TMPRSS9: variants seen among roughly 807,000 people sequenced by gnomAD.
TMPRSS9 encodes the protein transmembrane serine protease 9, also known as transmembrane protease serine 9.
A neutral mutation model predicts 111.4 loss-of-function variants in TMPRSS9; 113 were observed. The observed-to-expected ratio is 1.01, with a 90% confidence interval of 0.87 to 1.19. TMPRSS9 has a LOEUF of 1.19. TMPRSS9 is among the 50% of genes most tolerant of loss of function. The pLI is 0.00. For missense variants in TMPRSS9, 1,803 were observed against 1,513.1 expected, an observed-to-expected ratio of 1.19 and a Z score of -3.18; for synonymous variants, 805 against 659.1, an observed-to-expected ratio of 1.22 and a Z score of -3.39.
chr19:2,402,965 AG>A, intron 5 of TMPRSS9, 116 bp from the exon 7 acceptor site: 1 of 740,218 alleles, frequency 1.4e-6, no homozygotes, highest in Non-Finnish European at 2.3e-6. Context: ...AGGAAAGAAA[AG>A]GAGAGAGAGA....
At chr19:2,372,224 A>G (rs1970297177) in intron 1 of TMPRSS9, among the ~76,000 whole-genome samples, 1 of 152,050 alleles carries the variant, frequency 6.6e-6, no homozygotes, top group African/African-American at 2.4e-5. Flanking sequence ...TTCTTCTCGA[A>G]GCTTTTTCCT....
intron 15 of TMPRSS9, 31 bp from the exon 17 acceptor site, chr19:2,424,971 G>C (rs780496349): frequency 6.9e-7 from 1 of 1,457,986 alleles, no homozygotes; most frequent in South Asian, 1.3e-5. Flanking sequence ...GTGGGGGCTC[G>C]GGCCGACGCC....
chr19:2,371,332 G>A (rs1408053143), intron 1 of TMPRSS9, among the ~76,000 whole-genome samples: 1 of 152,138 alleles, frequency 6.6e-6, no homozygotes, highest in Non-Finnish European at 1.5e-5. Context: ...GCTCCAGATG[G>A]TTCCTGACAG....
In TMPRSS9 at chr19:2,423,224, A is replaced by G. The variant is rs529995174; in HGVS notation, c.2549-865A>G. Among the ~76,000 whole-genome samples, 6 of 151,878 alleles carry G rather than the reference A, an allele frequency of 4.0e-5. No individual in the cohort carries two copies. The South Asian group carries it at 1.3e-3, about 32-fold the overall frequency. ...GTCTCAGCTGATTTTGACTTTTTCA[A>G]TAGCTATGGCGTGGGATCTCTTTGG... On this transcript the variant is annotated intron_variant, in intron 14 of 17. Coordinates refer to ENST00000648592, the Ensembl canonical transcript of TMPRSS9.
intron 14 of TMPRSS9, among the ~76,000 whole-genome samples, chr19:2,422,917 C>T (rs951642839): frequency 2.6e-5 from 4 of 151,770 alleles, no homozygotes; most frequent in African/African-American, 9.7e-5. Context: ...AAAAGCCAGG[C>T]GTGATGGTGC....
At chr19:2,398,730 C>A in intron 2 of TMPRSS9, 65 bp from the exon 4 acceptor site, 2 of 1,180,862 alleles carry the variant, frequency 1.7e-6, no homozygotes, top group Non-Finnish European at 2.3e-6. Context: ...ACCTGACAGG[C>A]CTCTGCAGTG....
At chr19:2,368,379 A>T (rs1055087835) in intron 1 of TMPRSS9, among the ~76,000 whole-genome samples, 1 of 150,192 alleles carries the variant, frequency 6.7e-6, no homozygotes, top group Non-Finnish European at 1.5e-5. Context: ...ATAGCTGAGG[A>T]TGTCAGGCAG....
chr19:2,408,701 G>C, intron 8 of TMPRSS9, 71 bp downstream of exon 9: 3 of 1,550,144 alleles, frequency 1.9e-6, no homozygotes, highest in Non-Finnish European at 2.6e-6. Flanking sequence ...AAAGGGCCAG[G>C]TGAGGTGGCT....
chr19:2,390,755 AG>A (rs1970572538), intron 1 of TMPRSS9, among the ~76,000 whole-genome samples: 1 of 151,918 alleles, frequency 6.6e-6, no homozygotes. Context: ...CAGGAGGCTG[AG>A]GCAGGAGAAT....
intron 15 of TMPRSS9, among the ~76,000 whole-genome samples, chr19:2,424,537 C>A (rs958192814): frequency 1.4e-5 from 2 of 138,926 alleles, no homozygotes; most frequent in Non-Finnish European, 3.2e-5. Flanking sequence ...AGCTGCGGCC[C>A]CCCCCCTCCA....
At chr19:2,403,508 AAGC>A (rs1970900267) in intron 6 of TMPRSS9, among the ~76,000 whole-genome samples, 1 of 152,102 alleles carries the variant, frequency 6.6e-6, no homozygotes, top group Non-Finnish European at 1.5e-5. Context: ...TCTGTCCTAT[AAGC>A]AGTGGGGCGT....
chr19:2,414,103 A>C, intron 10 of TMPRSS9, 85 bp downstream of exon 11: 1 of 1,373,630 alleles, frequency 7.3e-7, no homozygotes, highest in Non-Finnish European at 9.7e-7. Flanking sequence ...TATCTTCATA[A>C]TTTTGGATCT....
intron 2 of TMPRSS9, among the ~76,000 whole-genome samples, chr19:2,397,970 G>A (rs112458887): frequency 0.19 from 26,347 of 135,564 alleles, 3,004 homozygotes; most frequent in Admixed American, 0.34. Flanking sequence ...CGCCTGTGAC[G>A]CCTCCTGGGC....
chr19:2,364,856 G>A (rs567645605), intron 1 of TMPRSS9, among the ~76,000 whole-genome samples: 14 of 152,028 alleles, frequency 9.2e-5, no homozygotes, highest in East Asian at 3.9e-4. Flanking sequence ...GCCTGGTGGC[G>A]GGCGCCTGTA....
At chr19:2,377,703 C>T (rs1970351462) in intron 1 of TMPRSS9, among the ~76,000 whole-genome samples, 1 of 21,744 alleles carries the variant, frequency 4.6e-5, no homozygotes, top group South Asian at 2.1e-3. Flanking sequence ...TTCCTTCCTT[C>T]CTTCTCTCTC....
At chr19:2,407,614 T>TTTCTTTTC (rs1568182954) in intron 7 of TMPRSS9, among the ~76,000 whole-genome samples, 28 of 122,568 alleles carry the variant, frequency 2.3e-4, no homozygotes, top group South Asian at 5.5e-4. Context: ...TTTTCTTTTT[T>TTTCTTTTC]TTTTTTTTTT....
At position 2,416,832 on chromosome 19, in the gene TMPRSS9, GA is replaced by G. The variant is rs143282748; in HGVS notation, c.2017+25del. ...ATGGTGAGCGCTGCCCCATCGAGGG[GA>G]ACGGTGGATTTATTCTCCAGGGCCT... On this transcript the variant is annotated intron_variant, in intron 12 of 17. Transcript: ENST00000648592. 622 of 1,585,130 alleles carry G rather than the reference GA, an allele frequency of 3.9e-4. 5 individuals carry two copies. In the African/African-American group the frequency reaches 7.4e-3, roughly 19 times the overall value.
At chr19:2,425,221 C>T (rs774559577) in exon 16 of TMPRSS9, 10 of 1,470,614 alleles carry the variant, frequency 6.8e-6, no homozygotes, top group South Asian at 1.3e-5. Context: ...GACCCCCGGA[C>T]GGCACGCGCT....
intron 1 of TMPRSS9, among the ~76,000 whole-genome samples, chr19:2,379,049 GA>G (rs1197493413): frequency 6.6e-6 from 1 of 152,092 alleles, no homozygotes. Flanking sequence ...TTTGGGTGGG[GA>G]CACAGCCAAA....
Sources: allele counts gnomAD v4.1 joint callset (sites outside exome capture counted in the v4.1 genomes callset), GRCh38; gene constraint gnomAD v4.1.1; transcripts MANE v1.5; gene names NCBI Gene and HGNC (gene_info 2026-07-23, HGNC 2026-07-21).